The following NELL1 variants were observed in gnomAD, a reference collection of about 807,000 sequenced individuals.
NELL1 encodes the protein protein kinase C-binding protein NELL1.
In NELL1, 76 loss-of-function variants were observed where a neutral mutation model predicts 107.4. That is an observed-to-expected ratio of 0.71 (90% CI 0.59 to 0.86). The LOEUF (loss-of-function observed/expected upper bound fraction) is 0.86. Ranked by LOEUF, NELL1 falls within the 40% of genes least tolerant of loss-of-function variation. The pLI, the probability that NELL1 is intolerant of heterozygous loss-of-function variation, is 0.00. For missense variants in NELL1, 1,024 were observed against 1,005.5 expected (o/e 1.02, Z -0.25); for synonymous variants, 353 against 341.2 (o/e 1.03, Z -0.38).
At chr11:21,568,530 T>G (rs901786945) in intron 17 of NELL1, among the ~76,000 whole-genome samples, 3 of 151,074 alleles carry the variant, frequency 2.0e-5, no homozygotes, top group African/African-American at 7.4e-5. Flanking sequence ...TGTAACTTTT[T>G]GACTCTTGTG....
chr11:20,960,926 G>T (rs1851277242), intron 12 of NELL1, among the ~76,000 whole-genome samples: 1 of 152,154 alleles, frequency 6.6e-6, no homozygotes, highest in Non-Finnish European at 1.5e-5. Flanking sequence ...TGTACAGGGT[G>T]GTTTCTGTTT....
intron 15 of NELL1, among the ~76,000 whole-genome samples, chr11:21,493,929 T>C (rs1253207582): frequency 1.3e-5 from 2 of 151,782 alleles, no homozygotes; most frequent in African/African-American, 4.8e-5. Flanking sequence ...TCTATCACAA[T>C]TTACTCCTTT....
intron 12 of NELL1, among the ~76,000 whole-genome samples, chr11:20,989,060 T>C (rs1050603109): frequency 2.0e-5 from 3 of 152,170 alleles, no homozygotes; most frequent in Non-Finnish European, 2.9e-5. Flanking sequence ...CTTGGTGGTA[T>C]TGGTGAAAGA....
At position 20,902,840 on chromosome 11, in the gene NELL1, CAGA is replaced by C. The variant is rs546645888; in HGVS notation, c.604-15339_604-15337del. Among the ~76,000 whole-genome samples the C allele has an allele frequency of 1.3e-4, 20 of 151,814 alleles. No homozygotes were observed. In the East Asian group the frequency reaches 3.3e-3, roughly 25 times the overall value. ...AAGTAATTTTAAATGAAAAAGCTAG[CAGA>C]AGGATAAAATTACAGTATTAAATCA... is the stretch of plus-strand genomic sequence containing the variant. On this transcript the variant is annotated intron_variant, in intron 5 of 19. Coordinates refer to ENST00000357134, the MANE Select transcript of NELL1 (RefSeq NM_006157.5).
chr11:20,669,852 C>A lies in NELL1; in HGVS notation c.55+74C>A. 1 of 1,285,876 alleles carries A rather than the reference C, an allele frequency of 7.8e-7. No individual in the cohort carries two copies. 79.7% of individuals were successfully genotyped at this position (1,285,876 alleles called of 1,614,324 possible). A position where few individuals can be genotyped will look rare whatever the true frequency, so the allele number is the denominator to read the frequency against. On this transcript the variant is annotated intron_variant, in intron 1 of 19. Coordinates refer to ENST00000357134, the MANE Select transcript of NELL1 (RefSeq NM_006157.5). This position sits in a 1 kb window ranked among gnomAD's most constrained non-coding sequence, Gnocchi z 4.4. ...ACAGACCACGGCGGCGTGGGGAGAC[C>A]TGGAGCCGAGCTTTGCGCTGGTCTG...
chr11:20,703,375 T>A (rs1280118688), intron 2 of NELL1, among the ~76,000 whole-genome samples: 5 of 152,188 alleles, frequency 3.3e-5, no homozygotes, highest in Non-Finnish European at 1.5e-5. Context: ...ATTGCGTCTA[T>A]TTGATTCTTC....
At chr11:20,790,596 T>A (rs1857054060) in intron 3 of NELL1, among the ~76,000 whole-genome samples, 2 of 152,138 alleles carry the variant, frequency 1.3e-5, no homozygotes, top group African/African-American at 4.8e-5. Context: ...ACAGGAGGCC[T>A]GGGTCTGCAG....
chr11:20,984,741 T>C (rs1851817751), intron 12 of NELL1, among the ~76,000 whole-genome samples: 1 of 152,036 alleles, frequency 6.6e-6, no homozygotes, highest in African/African-American at 2.4e-5. Flanking sequence ...CAGAATCATA[T>C]GGCACCTTAA....
chr11:21,173,832 A>G (rs1239712050), intron 13 of NELL1, among the ~76,000 whole-genome samples: 2 of 151,524 alleles, frequency 1.3e-5, no homozygotes, highest in African/African-American at 4.9e-5. Flanking sequence ...GACCTGACCT[A>G]GTGTGGAGGT....
At chr11:21,500,540 G>A (rs1425556807) in intron 15 of NELL1, among the ~76,000 whole-genome samples, 1 of 151,936 alleles carries the variant, frequency 6.6e-6, no homozygotes, top group African/African-American at 2.4e-5. Flanking sequence ...TTTATAATCA[G>A]TTTGACCTAC....
chr11:20,716,760 A>G (rs1430813826), intron 2 of NELL1, among the ~76,000 whole-genome samples: 1 of 152,220 alleles, frequency 6.6e-6, no homozygotes, highest in East Asian at 1.9e-4. Flanking sequence ...CATTTTTACC[A>G]TTTGTAAATA....
chr11:20,779,880 G>A (rs891124562), intron 2 of NELL1, among the ~76,000 whole-genome samples: 2 of 152,200 alleles, frequency 1.3e-5, no homozygotes, highest in African/African-American at 2.4e-5. Flanking sequence ...GAGAGGTAAG[G>A]TACTTTATCC....
chr11:21,121,986 T>C (rs1855378336), intron 13 of NELL1, among the ~76,000 whole-genome samples: 1 of 152,206 alleles, frequency 6.6e-6, no homozygotes, highest in African/African-American at 2.4e-5. Context: ...AGGGAGACTA[T>C]CAAAGCTCAT....
At chr11:21,535,171 T>C in intron 16 of NELL1, among the ~76,000 whole-genome samples, 1 of 152,174 alleles carries the variant, frequency 6.6e-6, no homozygotes, top group East Asian at 1.9e-4. Flanking sequence ...ACACGGGAAA[T>C]TAGCAGATGG....
intron 10 of NELL1, among the ~76,000 whole-genome samples, chr11:20,941,189 T>A (rs549873564): frequency 6.6e-6 from 1 of 152,096 alleles, no homozygotes; most frequent in African/African-American, 2.4e-5. Context: ...CATATCATAA[T>A]GGGAAGTTAC....
intron 12 of NELL1, among the ~76,000 whole-genome samples, chr11:21,094,011 C>T (rs1341033720): frequency 1.3e-5 from 2 of 152,290 alleles, no homozygotes; most frequent in African/African-American, 4.8e-5. Flanking sequence ...CTCAAAAGTC[C>T]ACAGTCGAAA....
At chr11:21,019,789 G>A (rs190760376) in intron 12 of NELL1, among the ~76,000 whole-genome samples, 4 of 152,054 alleles carry the variant, frequency 2.6e-5, no homozygotes, top group African/African-American at 9.7e-5. Flanking sequence ...GCTGCATTAG[G>A]ATGCAGAGAA....
At chr11:21,123,576 G>A (rs1225821479) in intron 13 of NELL1, among the ~76,000 whole-genome samples, 2 of 152,104 alleles carry the variant, frequency 1.3e-5, no homozygotes, top group Non-Finnish European at 2.9e-5. Context: ...CTTTTCTGGA[G>A]AAGGTTCAGG....
At chr11:21,513,820 T>C (rs1370783733) in intron 15 of NELL1, among the ~76,000 whole-genome samples, 1 of 152,140 alleles carries the variant, frequency 6.6e-6, no homozygotes, top group Non-Finnish European at 1.5e-5. Context: ...CCATAGCCAA[T>C]TAAGGAACAG....
Sources: allele counts gnomAD v4.1 joint callset (sites outside exome capture counted in the v4.1 genomes callset), GRCh38; gene constraint gnomAD v4.1.1; non-coding constraint Gnocchi (gnomAD v3.1); transcripts MANE v1.5; gene names NCBI Gene and HGNC (gene_info 2026-07-23, HGNC 2026-07-21).